ALDH4A1: variants seen among roughly 807,000 people sequenced by gnomAD.
The protein encoded by ALDH4A1 is delta-1-pyrroline-5-carboxylate dehydrogenase, mitochondrial.
ALDH4A1 carries 46 observed loss-of-function variants against 70.5 expected under a neutral mutation model. That is an observed-to-expected ratio of 0.65 (90% CI 0.51 to 0.83). The LOEUF is 0.83. Ranked by LOEUF, ALDH4A1 falls within the 40% of genes least tolerant of loss-of-function variation. The pLI, the probability that ALDH4A1 is intolerant of heterozygous loss-of-function variation, is 0.00. For synonymous variants in ALDH4A1, 323 were observed against 324.3 expected (o/e 1.00, Z 0.04); for missense variants, 749 against 766.5 (o/e 0.98, Z 0.27).
In ALDH4A1 at chr1:18,874,522, TTGA is replaced by T; in HGVS notation, c.1517_1519del (p.Ile506del). ...CACTATCGAGCCAGTGGACTTGTCG[TTGA>T]TGTAGAAGTTGCCGGCAGCATTCCT... On this transcript the variant is annotated inframe_deletion, in exon 14 of 15. Transcript: ENST00000375341. 6.2e-7 allele frequency: 1 copy of T among 1,614,120 alleles called. No individual in the cohort carries two copies. The highest frequency in any genetic ancestry group is 8.5e-7 in the Non-Finnish European group (1 of 1,180,020).
intron 1 of ALDH4A1, among the ~76,000 whole-genome samples, chr1:18,900,717 G>A (rs1421724643): frequency 3.9e-5 from 6 of 152,162 alleles, no homozygotes; most frequent in African/African-American, 1.4e-4. Context: ...TTGAGCCCAG[G>A]GAACCAGCTG....
chr1:18,883,092 C>G, intron 7 of ALDH4A1, 32 bp downstream of exon 7: 1 of 1,612,946 alleles, frequency 6.2e-7, no homozygotes, highest in Non-Finnish European at 8.5e-7. Flanking sequence ...GGACAACCAG[C>G]TGCCGCTGTC....
Position 18,879,393 on chromosome 1 carries a change from G to T in ALDH4A1, c.867-20C>A. The T allele has an allele frequency of 6.2e-7, 1 of 1,605,118 alleles. No individual in the cohort carries two copies. On this transcript the variant is annotated intron_variant, in intron 8 of 14. Transcript: ENST00000375341. ...AAGGTGCTGGAACCACAGGAGAAAG[G>T]GTGGGGTTCAGGGAGCCAGGCCAGA...
chr1:18,887,843 G>A (rs922413130), intron 3 of ALDH4A1, among the ~76,000 whole-genome samples: 2 of 152,160 alleles, frequency 1.3e-5, no homozygotes, highest in African/African-American at 4.8e-5. Flanking sequence ...GCAATATACT[G>A]GTGTTGCTGT....
In ALDH4A1 at chr1:18,872,570, G is replaced by A; in HGVS notation, c.*275C>T. 1 of 344,686 alleles carries A rather than the reference G, an allele frequency of 2.9e-6. No homozygotes were observed. The highest frequency in any genetic ancestry group is 5.4e-6 in the Non-Finnish European group (1 of 186,414). 21.4% of individuals were successfully genotyped at this position (344,686 alleles called of 1,614,324 possible). On this transcript the variant is annotated 3_prime_UTR_variant, in exon 15 of 15. Coordinates refer to ENST00000375341, the MANE Select transcript of ALDH4A1 (RefSeq NM_003748.4). ...AGGTCCCTGAGCCACTGGGCCCAGT[G>A]GAGGGCAGAGGGAGAACCTGCCAGG...
At chr1:18,902,355 T>A in intron 1 of ALDH4A1, 107 bp downstream of exon 1, 1 of 979,734 alleles carries the variant, frequency 1.0e-6, no homozygotes. Flanking sequence ...CGAGGCAGCT[T>A]GGGGGTCCGG....
intron 3 of ALDH4A1, 91 bp from the exon 4 acceptor site, chr1:18,886,602 A>C: frequency 1.4e-6 from 2 of 1,427,326 alleles, no homozygotes; most frequent in Non-Finnish European, 2.0e-6. Context: ...TTTTCCAGGA[A>C]AGTCCTGGAC....
At chr1:18,893,218 C>T (rs923433509) in intron 1 of ALDH4A1, among the ~76,000 whole-genome samples, 7 of 152,232 alleles carry the variant, frequency 4.6e-5, no homozygotes, top group Non-Finnish European at 1.5e-5. Flanking sequence ...GCTCCATGAC[C>T]TCAGTGCATT....
At chr1:18,888,108 C>T (rs564178976) in intron 3 of ALDH4A1, among the ~76,000 whole-genome samples, 1 of 152,344 alleles carries the variant, frequency 6.6e-6, no homozygotes, top group East Asian at 1.9e-4. Flanking sequence ...TGCTCAACAA[C>T]CACACGTGGC....
intron 1 of ALDH4A1, among the ~76,000 whole-genome samples, chr1:18,899,766 G>A (rs574891506): frequency 8.9e-4 from 135 of 152,168 alleles, no homozygotes; most frequent in Non-Finnish European, 1.7e-3. Flanking sequence ...CCATCCCTGG[G>A]CCCACCTATA....
rs146222625 is a variant in ALDH4A1, at chr1:18,875,465, C to G, written c.1377G>C (p.Pro459=). 1,236 of 1,614,016 alleles carry G rather than the reference C, an allele frequency of 7.7e-4. No homozygotes were observed. Among genetic ancestry groups the G allele is most frequent in the Non-Finnish European group, 9.9e-4 (1,172 of 1,180,012 alleles). Residue 459 remains proline, a synonymous_variant, in exon 13 of 15, where the codon CCG becomes CCC. Coordinates refer to ENST00000375341, the MANE Select transcript of ALDH4A1 (RefSeq NM_003748.4). ...GCAGCGTCTCCTTGTACTTGTCATC[C>G]GGGTAGACGTACACAGACAGTACAG... The part of the protein sequence containing the change: ...FGPVLSVYVY[P]DDKYKETLQL...
intron 1 of ALDH4A1, among the ~76,000 whole-genome samples, chr1:18,892,466 G>A (rs1274452123): frequency 2.0e-5 from 3 of 152,036 alleles, no homozygotes; most frequent in Non-Finnish European, 4.4e-5. Flanking sequence ...CAGCCAGGGT[G>A]GTCAGGGAAG....
chr1:18,874,332 G>A lies in ALDH4A1; in HGVS notation c.1579+131C>T, dbSNP rs960804372. On this transcript the variant is annotated intron_variant, in intron 14 of 14. Transcript: ENST00000375341. Reference sequence around the variant, plus strand: ...TTTGCTGAAAGGACCCTGAGCTAGTGCACTTGCTTGGCCCACAATAAGTGC... The same window carrying A: ...TTTGCTGAAAGGACCCTGAGCTAGTACACTTGCTTGGCCCACAATAAGTGC... The A allele has an allele frequency of 3.9e-5, 32 of 827,318 alleles. No homozygotes were observed. The African/African-American group carries it at 5.0e-4, about 13-fold the overall frequency. 51.2% of individuals were successfully genotyped at this position (827,318 alleles called of 1,614,324 possible). A position where few individuals can be genotyped will look rare whatever the true frequency, so the allele number is the denominator to read the frequency against.
chr1:18,889,869 G>A, intron 2 of ALDH4A1, 143 bp downstream of exon 2: 1 of 754,366 alleles, frequency 1.3e-6, no homozygotes, highest in Non-Finnish European at 2.1e-6. Flanking sequence ...CAGACCCACA[G>A]CCCTCCCAGG....
Position 18,876,456 on chromosome 1 carries a change from A to C in ALDH4A1, c.1197T>G (p.Arg399=). 6.3e-7 allele frequency: 1 copy of C among 1,598,190 alleles called. No individual in the cohort carries two copies. The highest frequency in any genetic ancestry group is 8.5e-7 in the Non-Finnish European group (1 of 1,174,144). ...GTGCGTGCTCCAGCCACTTCTTGAT[A>C]CGGGCAAAGGACTGGGGTGGGCAGG... ...SAVIDAKSFA[R]IKKWLEHARS... The change falls in exon 12 of 15, where the codon CGT becomes CGG. Residue 399 remains arginine (R), a synonymous_variant. Transcript: ENST00000375341.
At chr1:18,881,961 C>G (rs1934993071) in intron 7 of ALDH4A1, 74 bp from the exon 8 acceptor site, 8 of 1,402,078 alleles carry the variant, frequency 5.7e-6, no homozygotes, top group Admixed American at 4.0e-5. Flanking sequence ...CCCTACCCTA[C>G]AGCATGGTTG....
intron 4 of ALDH4A1, among the ~76,000 whole-genome samples, chr1:18,886,237 C>A (rs114016367): frequency 6.6e-6 from 1 of 152,346 alleles, no homozygotes; most frequent in African/African-American, 2.4e-5. Context: ...TCAGCCCTGG[C>A]TGAGGCAGCT....
chr1:18,893,357 C>A (rs1272577716), intron 1 of ALDH4A1, among the ~76,000 whole-genome samples: 1 of 152,164 alleles, frequency 6.6e-6, no homozygotes, highest in African/African-American at 2.4e-5. Context: ...CAGGGAGACA[C>A]GAATATGGGA....
chr1:18,877,529 CGA>C lies in ALDH4A1; in HGVS notation c.1022_1023del (p.Phe341Ter). 15 of 1,611,866 alleles carry C rather than the reference CGA, an allele frequency of 9.3e-6. No homozygotes were observed. The highest frequency in any genetic ancestry group is 1.3e-5 in the Non-Finnish European group (15 of 1,179,382). On this transcript the variant is annotated frameshift_variant, in exon 10 of 15. Transcript: ENST00000375341. LOFTEE classifies it high-confidence loss of function. ...GCGGAACACTTCTGGCCACCGTACT[CGA>C]AGGCTGAGCGGAGGGTCCCGCTCAC... is the stretch of plus-strand genomic sequence containing the variant. ...SVVSGTLRSAFEYGGQKCSAC... is the reference protein window; with the variant it reads ...SVVSGTLRSAXEYGGQKCSAC...
Sources: allele counts gnomAD v4.1 joint callset (sites outside exome capture counted in the v4.1 genomes callset), GRCh38; gene constraint gnomAD v4.1.1; transcripts MANE v1.5; gene names NCBI Gene and HGNC (gene_info 2026-07-23, HGNC 2026-07-21).